Variants in USH2A observed in about 807,000 individuals in gnomAD.
USH2A encodes usherin.
USH2A carries 443 observed loss-of-function variants against 538.9 expected under a neutral mutation model. The ratio of observed to expected loss-of-function variants is 0.82; its 90% confidence interval spans 0.76 to 0.89. USH2A has a LOEUF of 0.89. USH2A is among the 40% of genes least tolerant of loss of function. USH2A has a pLI of 0.00. For missense variants in USH2A, 6,633 were observed against 6,324.8 expected (o/e 1.05, Z -1.65); for synonymous variants, 2,413 against 2,273.5 (o/e 1.06, Z -1.75).
chr1:216,216,506 C>T (rs1468209046), intron 15 of USH2A, among the ~76,000 whole-genome samples: 4 of 151,902 alleles, frequency 2.6e-5, no homozygotes, highest in African/African-American at 4.8e-5. Context: ...TGACTTGTGG[C>T]GTTTCCTATC....
intron 4 of USH2A, among the ~76,000 whole-genome samples, chr1:216,338,732 A>T (rs553019804): frequency 7.2e-5 from 11 of 151,744 alleles, no homozygotes; most frequent in African/African-American, 2.6e-4. Flanking sequence ...AATGAAAGAT[A>T]TACCAGAACA....
intron 47 of USH2A, among the ~76,000 whole-genome samples, chr1:215,828,202 C>A (rs915640959): frequency 3.3e-5 from 5 of 152,098 alleles, no homozygotes; most frequent in African/African-American, 1.2e-4. Flanking sequence ...GTAATACCAG[C>A]AATTTAGGAG....
chr1:215,782,223 T>G, intron 53 of USH2A, 27 bp from the exon 54 acceptor site: 2 of 1,611,240 alleles, frequency 1.2e-6, no homozygotes, highest in Non-Finnish European at 1.7e-6. Flanking sequence ...AATGACTGCA[T>G]TTGAATGTGA....
chr1:216,092,202 T>A (rs1015337136), intron 22 of USH2A, among the ~76,000 whole-genome samples: 3 of 152,196 alleles, frequency 2.0e-5, no homozygotes, highest in African/African-American at 7.2e-5. Flanking sequence ...GTCATTTATT[T>A]ACTGGGCATC....
At position 215,790,282 on chromosome 1, in the gene USH2A, C is replaced by T. The variant is rs754315038; in HGVS notation, c.9959G>A (p.Gly3320Asp). The change falls in exon 51 of 72, where the codon GGT (glycine) becomes GAT (aspartate). Residue 3320 changes from glycine (G) to aspartate (D), a missense_variant and splice_region_variant. Gly to Asp is a moderately conservative substitution (Grantham distance 94). Coordinates refer to ENST00000307340, the MANE Select transcript of USH2A (RefSeq NM_206933.4). ...EEGVVYNRLP[G>D]MFCCGQDYVN... Reference sequence around the variant, plus strand: ...ATAATCCTGCCCACAACAGAACATACCTGCAACAATAAAATGTTATATATG... The same window carrying T: ...ATAATCCTGCCCACAACAGAACATATCTGCAACAATAAAATGTTATATATG... The T allele has an allele frequency of 3.1e-6, 5 of 1,613,592 alleles. No homozygotes were observed. The South Asian group carries it at 3.3e-5, about 11-fold the overall frequency.
intron 22 of USH2A, among the ~76,000 whole-genome samples, 157 bp downstream of exon 22, chr1:216,096,926 G>T (rs769684146): frequency 3.9e-5 from 6 of 152,138 alleles, no homozygotes; most frequent in Admixed American, 1.3e-4. Context: ...CATTACTTTT[G>T]TAAGTTTCAT....
At chr1:216,413,003 A>G (rs544674371) in intron 3 of USH2A, among the ~76,000 whole-genome samples, 33 of 152,230 alleles carry the variant, frequency 2.2e-4, no homozygotes, top group African/African-American at 7.7e-4. Context: ...CACATAAATC[A>G]ATGATTAATA....
rs138865275 is a variant in USH2A, at chr1:215,810,930, C to CT, written c.9739+2805dup. ...AGAAATAACAGCACTGCTATACAAA[C>CT]TTTTTTTTTCTATTAATTATAAGGA... On this transcript the variant is annotated intron_variant, in intron 49 of 71. Transcript: ENST00000307340. Among the ~76,000 whole-genome samples, 821 of 151,844 alleles carry CT rather than the reference C, an allele frequency of 5.4e-3. 6 individuals are homozygous for CT. The highest frequency in any genetic ancestry group is 0.018 in the African/African-American group (758 of 41,420).
intron 62 of USH2A, 27 bp downstream of exon 62, chr1:215,680,122 T>C (rs1270527136): frequency 1.2e-6 from 2 of 1,609,306 alleles, no homozygotes; most frequent in African/African-American, 2.7e-5. Flanking sequence ...ACACCAAACA[T>C]AATTTCTTAT....
chr1:215,906,125 T>TA (rs1288879892), intron 38 of USH2A, among the ~76,000 whole-genome samples: 1 of 151,998 alleles, frequency 6.6e-6, no homozygotes. Context: ...AAAAAGATAT[T>TA]AATTATGAGG....
intron 60 of USH2A, among the ~76,000 whole-genome samples, chr1:215,729,621 G>T (rs1486712983): frequency 6.6e-6 from 1 of 150,656 alleles, no homozygotes; most frequent in East Asian, 1.9e-4. Context: ...ATTTGTTTTA[G>T]AGTTTTTTTG....
chr1:215,981,670 A>G (rs1231323010), intron 35 of USH2A, among the ~76,000 whole-genome samples: 1 of 152,180 alleles, frequency 6.6e-6, no homozygotes. Flanking sequence ...ACCAAATCCA[A>G]ATAAATGAGA....
chr1:216,235,955 T>A (rs971731934), intron 13 of USH2A, among the ~76,000 whole-genome samples: 1 of 152,136 alleles, frequency 6.6e-6, no homozygotes, highest in African/African-American at 2.4e-5. Context: ...AATCAATATT[T>A]TCAATATTGT....
intron 49 of USH2A, among the ~76,000 whole-genome samples, chr1:215,805,490 A>G (rs1016103168): frequency 1.3e-5 from 2 of 152,060 alleles, no homozygotes; most frequent in Non-Finnish European, 2.9e-5. Flanking sequence ...AAGATAAAAG[A>G]GCTCTAGAGA....
chr1:215,734,918 C>T (rs949787834), intron 60 of USH2A, among the ~76,000 whole-genome samples: 1 of 152,176 alleles, frequency 6.6e-6, no homozygotes, highest in Admixed American at 6.5e-5. Context: ...CCCTCACCTT[C>T]CTGTCTTCTT....
At chr1:215,707,601 CTTTATAG>C (rs1659216352) in intron 61 of USH2A, among the ~76,000 whole-genome samples, 1 of 152,100 alleles carries the variant, frequency 6.6e-6, no homozygotes, top group Non-Finnish European at 1.5e-5. Flanking sequence ...TTAAATTTGA[CTTTATAG>C]TTTATTTAAA....
At chr1:216,179,477 G>C (rs1431321037) in intron 20 of USH2A, among the ~76,000 whole-genome samples, 1 of 151,988 alleles carries the variant, frequency 6.6e-6, no homozygotes, top group African/African-American at 2.4e-5. Context: ...AGAATGAATA[G>C]AACTAGAGTA....
At position 215,970,743 on chromosome 1, in the gene USH2A, C is replaced by T. The variant is rs200437181; in HGVS notation, c.6839G>A (p.Gly2280Asp). 1.9e-6 allele frequency: 3 copies of T among 1,613,508 alleles called. No individual in the cohort carries two copies. The Admixed American group carries it at 5.0e-5, about 27-fold the overall frequency. Residue 2280 changes from glycine to aspartate, a missense_variant, in exon 36 of 72, where the codon GGT becomes GAT. Gly to Asp is a moderately conservative substitution (Grantham distance 94). Coordinates refer to ENST00000307340, the MANE Select transcript of USH2A (RefSeq NM_206933.4). ...TTCTGAGGAATTGTGGATTAATATA[C>T]CATCTAGATATAATCCATAACTCGT... ...VITSYGLYLD[G>D]ILIHNSSELS...
chr1:216,211,928 C>T (rs2035249559), intron 15 of USH2A, among the ~76,000 whole-genome samples: 1 of 151,990 alleles, frequency 6.6e-6, no homozygotes, highest in Admixed American at 6.6e-5. Flanking sequence ...ACAGCACTCT[C>T]AAAGAACCTT....
Sources: gnomAD v4.1 joint callset for allele counts (sites outside exome capture counted in the v4.1 genomes callset) on GRCh38, gnomAD v4.1.1 for gene constraint, MANE v1.5 for transcripts, NCBI Gene and HGNC (gene_info 2026-07-23, HGNC 2026-07-21) for gene names.